TRAPPC2: variants seen among roughly 807,000 people sequenced by gnomAD.
The protein encoded by TRAPPC2 is trafficking protein particle complex subunit 2.
In TRAPPC2, 4 loss-of-function variants were observed where a neutral mutation model predicts 10.0. The ratio of observed to expected loss-of-function variants is 0.40; its 90% CI spans 0.20 to 0.92. TRAPPC2 has a LOEUF of 0.92. Among genes scored for constraint, TRAPPC2 ranks in the 40% least tolerant of loss-of-function variants. TRAPPC2 has a pLI of 0.35. For missense variants in TRAPPC2, 52 were observed against 108.7 expected, an observed-to-expected ratio of 0.48 and a Z score of 2.32; for synonymous variants, 36 against 37.3, an observed-to-expected ratio of 0.97 and a Z score of 0.12.
chrX:13,734,307 G>T, intron 1 of TRAPPC2, 122 bp from the exon 2 acceptor site: 1 of 351,422 alleles, frequency 2.8e-6, no homozygotes, highest in South Asian at 7.3e-5. Context: ...TGGGTTAGCT[G>T]AATGACCCAG....
chrX:13,721,317 AAC>A (rs1463959907), intron 2 of TRAPPC2: 3 of 112,382 alleles, frequency 2.7e-5, no homozygotes, highest in African/African-American at 9.7e-5. Context: ...AAATAGTGCT[AAC>A]ACTGTAGCAC....
chrX:13,722,001 TGGA>T, intron 2 of TRAPPC2: 1 of 108,404 alleles, frequency 9.2e-6, no homozygotes, highest in East Asian at 2.8e-4. Context: ...ACAGAAAAAG[TGGA>T]TAACAAAGAC....
At chrX:13,721,832 C>T (rs1312016744) in intron 2 of TRAPPC2, 1 of 110,239 alleles carries the variant, frequency 9.1e-6, no homozygotes, top group Admixed American at 9.7e-5. Flanking sequence ...CCTTGCCCAT[C>T]ATTTTGCGAC....
In TRAPPC2 at chrX:13,731,157, G is replaced by A. The variant is rs185837375; in HGVS notation, c.-20+2887C>T. On this transcript the variant is annotated intron_variant, in intron 2 of 5. Coordinates refer to ENST00000380579, the MANE Select transcript of TRAPPC2 (RefSeq NM_001011658.4). The stretch of plus-strand genomic sequence containing the variant: ...ATACCTTGGATTAACAAATGTGATT[G>A]CATAACTGCTGATCAGTGACATTTG... 2.2e-3 allele frequency among the ~76,000 whole-genome samples: 244 copies of A among 112,385 alleles called. 2 individuals are homozygous for A. The highest frequency in any genetic ancestry group is 7.8e-3 in the African/African-American group (241 of 30,942).
In TRAPPC2 at chrX:13,719,853, A is replaced by C; in HGVS notation, c.93+18T>G. On this transcript the variant is annotated intron_variant, in intron 3 of 5. Transcript: ENST00000380579. ...TATTATACCATATCATTACAATAGC[A>C]TAAAAATTCTTACGTACTTTGGATT... 1 of 1,103,422 alleles carries C rather than the reference A, an allele frequency of 9.1e-7. No individual in the cohort carries two copies. The highest frequency in any genetic ancestry group is 1.2e-6 in the Non-Finnish European group (1 of 808,877). The allele number at this position is 1,103,422 out of a possible 1,213,427, so 90.9% of individuals were successfully genotyped here. A position where few individuals can be genotyped will look rare whatever the true frequency, so the allele number is the denominator to read the frequency against.
intron 3 of TRAPPC2, among the ~76,000 whole-genome samples, chrX:13,717,055 A>C (rs1431457360): frequency 3.8e-5 from 4 of 106,002 alleles, no homozygotes; most frequent in African/African-American, 6.8e-5. Flanking sequence ...AAAAAAAAAA[A>C]AAAAAAAAAC....
At chrX:13,729,142 G>T (rs1365987582) in intron 2 of TRAPPC2, among the ~76,000 whole-genome samples, 6 of 111,740 alleles carry the variant, frequency 5.4e-5, no homozygotes, top group Admixed American at 9.5e-5. Context: ...TGGATAGGAA[G>T]AATCAATATC....
intron 2 of TRAPPC2, among the ~76,000 whole-genome samples, chrX:13,722,438 GCTTT>G (rs745786530): frequency 9.0e-6 from 1 of 110,559 alleles, no homozygotes; most frequent in African/African-American, 3.3e-5. Flanking sequence ...ATGAGACAGA[GCTTT>G]CTTTATATAC....
chrX:13,722,084 G>A (rs1006841176), intron 2 of TRAPPC2: 2 of 108,879 alleles, frequency 1.8e-5, no homozygotes, highest in East Asian at 5.7e-4. Flanking sequence ...TGAAGGGAAG[G>A]ACAGGGAGTT....
chrX:13,718,438 G>C (rs1403907933), intron 3 of TRAPPC2, among the ~76,000 whole-genome samples: 1 of 112,890 alleles, frequency 8.9e-6, no homozygotes, highest in African/African-American at 3.2e-5. Context: ...AAGAAAGTGA[G>C]TGGTAGCAGG....
At chrX:13,715,014 T>C (rs2046264018) in intron 5 of TRAPPC2, among the ~76,000 whole-genome samples, 2 of 112,531 alleles carry the variant, frequency 1.8e-5, no homozygotes, top group South Asian at 3.6e-4. Context: ...GAATCACTAA[T>C]GAGGAAAGGC....
intron 2 of TRAPPC2, among the ~76,000 whole-genome samples, chrX:13,729,067 A>G (rs768826042): frequency 1.8e-5 from 2 of 111,865 alleles, no homozygotes; most frequent in African/African-American, 6.5e-5. Context: ...TTCAAGGAGA[A>G]CTACAAACCA....
chrX:13,734,552 G>A lies in TRAPPC2; in HGVS notation c.-189C>T, dbSNP rs1474165604. The A allele has an allele frequency of 5.2e-6, 2 of 387,308 alleles. No homozygotes were observed. The highest frequency in any genetic ancestry group is 7.1e-6 in the Non-Finnish European group (2 of 280,590). The allele number at this position is 387,308 out of a possible 1,213,427, so 31.9% of individuals were successfully genotyped here. ...GCAGTGGGAGGCCGACAACGGAAAC[G>A]CAATGTCAGTTTCCGCGGAAGAGAC... On this transcript the variant is annotated 5_prime_UTR_variant, in exon 1 of 6. Transcript: ENST00000380579.
intron 2 of TRAPPC2, among the ~76,000 whole-genome samples, chrX:13,730,930 T>TG (rs1398940967): frequency 7.8e-4 from 18 of 23,092 alleles, no homozygotes; most frequent in African/African-American, 1.8e-3. Flanking sequence ...GGTGGGGGGC[T>TG]GGGGGAGGGA....
intron 2 of TRAPPC2, among the ~76,000 whole-genome samples, chrX:13,723,214 T>C (rs1350032606): frequency 9.0e-6 from 1 of 111,690 alleles, no homozygotes; most frequent in Non-Finnish European, 1.9e-5. Context: ...AGATCAATGA[T>C]TCCAAACTAG....
chrX:13,725,042 T>TG (rs2046514441), intron 2 of TRAPPC2, among the ~76,000 whole-genome samples: 1 of 113,050 alleles, frequency 8.8e-6, no homozygotes, highest in African/African-American at 3.2e-5. Context: ...GCAGCCTGGC[T>TG]GGGGGAGGGG....
intron 5 of TRAPPC2, among the ~76,000 whole-genome samples, chrX:13,715,077 G>C (rs1472163840): frequency 8.9e-6 from 1 of 112,606 alleles, no homozygotes; most frequent in Non-Finnish European, 1.9e-5. Flanking sequence ...TTATAAGAGG[G>C]CTAAATATTA....
chrX:13,724,808 C>G (rs903742081), intron 2 of TRAPPC2, among the ~76,000 whole-genome samples: 5 of 112,696 alleles, frequency 4.4e-5, no homozygotes, highest in South Asian at 7.3e-4. Flanking sequence ...TCGCCTCACC[C>G]AGAAAGTGCA....
rs749531653 is a variant in TRAPPC2 at position 13,723,095 on chromosome X, C to CA, written c.-19-3114dup. ...CTGGTGACAGAGCAAGACTCCATCTCAAAAAAAAAAAAAAAAAAATGTGGC... is the reference window on the plus strand; with the variant it reads ...CTGGTGACAGAGCAAGACTCCATCTCAAAAAAAAAAAAAAAAAAAATGTGGC... On this transcript the variant is annotated intron_variant, in intron 2 of 5. Coordinates refer to ENST00000380579, the MANE Select transcript of TRAPPC2 (RefSeq NM_001011658.4). Among the ~76,000 whole-genome samples the CA allele has an allele frequency of 3.2e-3, 199 of 62,688 alleles. 2 individuals are homozygous for CA. The highest frequency in any genetic ancestry group is 5.6e-3 in the African/African-American group (92 of 16,312). The allele number at this position is 62,688 out of a possible 115,157, so 54.4% of individuals were successfully genotyped here.
Sources: allele counts gnomAD v4.1 joint callset (sites outside exome capture counted in the v4.1 genomes callset), GRCh38; gene constraint gnomAD v4.1.1; transcripts MANE v1.5; gene names NCBI Gene and HGNC (gene_info 2026-07-23, HGNC 2026-07-21).